CDK13: variants seen among roughly 807,000 people sequenced by gnomAD.
The protein encoded by CDK13 is cyclin dependent kinase 13.
A neutral mutation model predicts 137.6 loss-of-function variants in CDK13; 40 were observed. The observed-to-expected ratio is 0.29, with a 90% CI of 0.23 to 0.38. CDK13 has a LOEUF of 0.38. CDK13 is among the 10% of genes least tolerant of loss of function. The pLI, the probability that CDK13 is intolerant of heterozygous loss-of-function variation, is 1.00. For missense variants in CDK13, 1,704 were observed against 1,951.8 expected (o/e 0.87, Z 2.39); for synonymous variants, 869 against 760.1 (o/e 1.14, Z -2.36).
At chr7:40,048,826 T>A (rs1316949217) in intron 7 of CDK13, 2 of 151,392 alleles carry the variant, frequency 1.3e-5, no homozygotes, top group African/African-American at 2.5e-5. Context: ...TGGAAAGTAT[T>A]TTCCTTATAT....
intron 11 of CDK13, among the ~76,000 whole-genome samples, chr7:40,082,438 A>G (rs1036665196): frequency 7.3e-6 from 1 of 137,702 alleles, no homozygotes; most frequent in African/African-American, 2.6e-5. Context: ...GTGAGCCAAG[A>G]TGGCGCCACT....
At chr7:40,032,891 A>G (rs907865302) in intron 5 of CDK13, among the ~76,000 whole-genome samples, 1 of 152,182 alleles carries the variant, frequency 6.6e-6, no homozygotes, top group Admixed American at 6.5e-5. Flanking sequence ...CTATCTATAT[A>G]AACGTTAGAA....
At chr7:40,077,852 T>A (rs1485276305) in intron 9 of CDK13, among the ~76,000 whole-genome samples, 153 bp from the exon 10 acceptor site, 1 of 152,130 alleles carries the variant, frequency 6.6e-6, no homozygotes, top group East Asian at 1.9e-4. Flanking sequence ...TGAGACTCTG[T>A]CTCAAAAAAA....
intron 11 of CDK13, among the ~76,000 whole-genome samples, chr7:40,080,598 T>C (rs1419108072): frequency 3.3e-5 from 5 of 152,224 alleles, no homozygotes; most frequent in South Asian, 2.1e-4. Flanking sequence ...TGTTGAATTA[T>C]TGTTTCATGT....
chr7:39,978,791 C>T (rs1012664899), intron 1 of CDK13, among the ~76,000 whole-genome samples: 8 of 152,168 alleles, frequency 5.3e-5, no homozygotes, highest in Non-Finnish European at 1.0e-4. Flanking sequence ...TGTCTATGGA[C>T]TACACTCTAA....
chr7:40,050,257 A>T (rs1457833933), intron 7 of CDK13, among the ~76,000 whole-genome samples: 1 of 152,208 alleles, frequency 6.6e-6, no homozygotes, highest in Non-Finnish European at 1.5e-5. Flanking sequence ...TAAGTTTTCA[A>T]TTCGCAATTT....
intron 5 of CDK13, among the ~76,000 whole-genome samples, chr7:40,009,994 C>A (rs1784863185): frequency 6.6e-6 from 1 of 152,150 alleles, no homozygotes; most frequent in African/African-American, 2.4e-5. Flanking sequence ...CAGTGGACGC[C>A]AACCTTTTTG....
At chr7:39,967,914 G>A (rs957747558) in intron 1 of CDK13, among the ~76,000 whole-genome samples, 3 of 151,988 alleles carry the variant, frequency 2.0e-5, no homozygotes, top group Non-Finnish European at 4.4e-5. Flanking sequence ...ATTGAGATGG[G>A]ATCTTGCTAT....
chr7:40,074,104 C>T (rs1032331622), intron 9 of CDK13, among the ~76,000 whole-genome samples: 1 of 152,062 alleles, frequency 6.6e-6, no homozygotes, highest in Non-Finnish European at 1.5e-5. Flanking sequence ...GTTTCCCCAT[C>T]TTGCCGAGCC....
chr7:40,088,381 A>C, intron 12 of CDK13, 50 bp downstream of exon 12: 1 of 1,397,984 alleles, frequency 7.2e-7, no homozygotes, highest in Non-Finnish European at 1.0e-6. Flanking sequence ...TTTGCAGTTA[A>C]TTCTGATCAT....
chr7:39,978,472 G>T (rs573725538), intron 1 of CDK13, among the ~76,000 whole-genome samples: 1 of 152,166 alleles, frequency 6.6e-6, no homozygotes, highest in Non-Finnish European at 1.5e-5. Context: ...GATTTTGGCC[G>T]TAACTGGAAG....
chr7:39,989,261 G>A (rs2116274949), intron 2 of CDK13, among the ~76,000 whole-genome samples: 1 of 151,980 alleles, frequency 6.6e-6, no homozygotes, highest in South Asian at 2.1e-4. Flanking sequence ...TTGTATCCTA[G>A]TGTAGAAAAA....
At position 39,988,096 on chromosome 7, in the gene CDK13, C is replaced by A. The variant is rs763370906; in HGVS notation, c.1709C>A (p.Ser570Tyr). ...KAVIVGKESK[S>Y]AATKEESVSL... ...GTCATAGTTGGAAAGGAGAGTAAAT[C>A]TGCTGCTACAAAGGAGGAATCAGTA... Residue 570 changes from serine to tyrosine, a missense_variant, in exon 2 of 14, where the codon TCT becomes TAT. Physicochemically the swap from Ser to Tyr is moderately radical, Grantham distance 144. Coordinates refer to ENST00000181839, the MANE Select transcript of CDK13 (RefSeq NM_003718.5). 2 of 1,613,792 alleles carry A rather than the reference C, an allele frequency of 1.2e-6. No individual in the cohort carries two copies. The highest frequency in any genetic ancestry group is 1.7e-6 in the Non-Finnish European group (2 of 1,179,988).
intron 5 of CDK13, among the ~76,000 whole-genome samples, chr7:40,021,122 T>TACACACACACACACACACACACAC (rs1304409836): frequency 9.2e-6 from 1 of 108,522 alleles, no homozygotes; most frequent in African/African-American, 2.7e-5. Context: ...TATATATATA[T>TACACACACACACACACACACACAC]ACACACACAC....
chr7:39,962,869 A>C (rs111963439), intron 1 of CDK13, among the ~76,000 whole-genome samples: 1 of 152,208 alleles, frequency 6.6e-6, no homozygotes, highest in South Asian at 2.1e-4. Context: ...AGCACCATTT[A>C]TTAAATAGGG....
intron 2 of CDK13, among the ~76,000 whole-genome samples, chr7:39,988,751 G>A (rs1456554201): frequency 1.3e-5 from 2 of 151,910 alleles, no homozygotes; most frequent in Non-Finnish European, 2.9e-5. Flanking sequence ...TTTTTAGCCT[G>A]TCTTGCAGTT....
intron 1 of CDK13, among the ~76,000 whole-genome samples, chr7:39,959,830 G>C (rs559802763): frequency 6.5e-5 from 8 of 122,948 alleles, no homozygotes; most frequent in Non-Finnish European, 6.5e-5. Flanking sequence ...GTGTGTTATA[G>C]CTACTAACTT....
chr7:39,959,474 T>C (rs1055136619), intron 1 of CDK13, among the ~76,000 whole-genome samples: 12 of 150,336 alleles, frequency 8.0e-5, no homozygotes, highest in Admixed American at 2.0e-4. Context: ...TTCTTTCTTT[T>C]TTTTTTTTAA....
intron 5 of CDK13, among the ~76,000 whole-genome samples, chr7:40,024,667 T>G (rs1401555739): frequency 1.5e-5 from 2 of 133,162 alleles, no homozygotes; most frequent in East Asian, 2.1e-4. Context: ...TTTTTTTTTT[T>G]TTTTTTTTTT....
Sources: allele counts gnomAD v4.1 joint callset (sites outside exome capture counted in the v4.1 genomes callset), GRCh38; gene constraint gnomAD v4.1.1; transcripts MANE v1.5; gene names NCBI Gene and HGNC (gene_info 2026-07-23, HGNC 2026-07-21).